NEBL: variants seen among roughly 807,000 people sequenced by gnomAD.
The protein encoded by NEBL is nebulette.
In NEBL, 122 loss-of-function variants were observed where a neutral mutation model predicts 140.2. The observed-to-expected ratio is 0.87, with a 90% CI of 0.75 to 1.01. NEBL has a LOEUF of 1.01. Ranked by LOEUF, NEBL falls within the 50% of genes least tolerant of loss-of-function variation. The probability of loss-of-function intolerance (pLI) is 0.00; values close to 1 mark genes in which losing one functional copy is unlikely to be tolerated. For missense variants in NEBL, 1,365 were observed against 1,231.3 expected, an observed-to-expected ratio of 1.11 and a Z score of -1.62; for synonymous variants, 436 against 398.9, an observed-to-expected ratio of 1.09 and a Z score of -1.11.
intron 2 of NEBL, among the ~76,000 whole-genome samples, chr10:21,250,377 T>C (rs1198269285): frequency 6.6e-6 from 1 of 152,200 alleles, no homozygotes; most frequent in Non-Finnish European, 1.5e-5. Context: ...AACATCAGAC[T>C]CCAAGGTCTT....
intron 3 of NEBL, among the ~76,000 whole-genome samples, chr10:21,204,464 T>G (rs1276867474): frequency 6.6e-6 from 1 of 151,944 alleles, no homozygotes; most frequent in Non-Finnish European, 1.5e-5. Context: ...TCTCTTTCCA[T>G]GCGCACATGA....
At chr10:20,952,884 GAC>G (rs1835553800) in intron 4 of NEBL, among the ~76,000 whole-genome samples, 2 of 112,164 alleles carry the variant, frequency 1.8e-5, no homozygotes, top group South Asian at 6.1e-4. Flanking sequence ...CAGCCTGGGT[GAC>G]AGAGTGAGAC....
At chr10:21,003,406 C>T (rs1837989991) in intron 3 of NEBL, among the ~76,000 whole-genome samples, 1 of 152,174 alleles carries the variant, frequency 6.6e-6, no homozygotes, top group African/African-American at 2.4e-5. Flanking sequence ...CCTCGCCTGC[C>T]CCACAATCTC....
intron 3 of NEBL, among the ~76,000 whole-genome samples, chr10:21,186,988 A>ATGTG (rs35359446): frequency 0.017 from 2,471 of 141,946 alleles, 35 homozygotes; most frequent in African/African-American, 0.036. Flanking sequence ...CCAACTCTGT[A>ATGTG]TGTGTGTGTG....
chr10:20,817,765 C>G (rs1838878451), intron 20 of NEBL, 73 bp from the exon 21 acceptor site: 2 of 1,180,008 alleles, frequency 1.7e-6, no homozygotes, highest in African/African-American at 3.0e-5. Flanking sequence ...GGACAAGGCT[C>G]AAAATTAGCA....
intron 4 of NEBL, among the ~76,000 whole-genome samples, chr10:20,951,303 T>C (rs902234741): frequency 6.6e-6 from 1 of 151,536 alleles, no homozygotes; most frequent in Non-Finnish European, 1.5e-5. Context: ...CAGCATTGCA[T>C]GTGATTCTGT....
intron 2 of NEBL, among the ~76,000 whole-genome samples, chr10:21,168,899 A>C (rs1209914029): frequency 6.6e-6 from 1 of 150,570 alleles, no homozygotes; most frequent in East Asian, 2.0e-4. Context: ...AATACAAAAA[A>C]TTAGCCGGGC....
rs560773848 is a variant in NEBL at position 20,879,506 on chromosome 10, C to T, written c.480+1288G>A. On this transcript the variant is annotated intron_variant, in intron 5 of 27. Transcript: ENST00000377122. ...ATATGTTTGTATATTTGGGTTAAAA[C>T]GTAAAACCTCATTCCACTTTTTTAC... Among the ~76,000 whole-genome samples the T allele has an allele frequency of 4.9e-4, 75 of 152,306 alleles. 1 individual carries two copies. The highest frequency in any genetic ancestry group is 1.7e-3 in the African/African-American group (71 of 41,572).
chr10:20,903,499 G>T (rs565354788), intron 4 of NEBL, among the ~76,000 whole-genome samples: 1 of 152,114 alleles, frequency 6.6e-6, no homozygotes, highest in Non-Finnish European at 1.5e-5. Flanking sequence ...ATAGGATTCA[G>T]CAATCCCACT....
At chr10:20,896,177 T>C (rs936024373) in intron 2 of NEBL, among the ~76,000 whole-genome samples, 5 of 152,142 alleles carry the variant, frequency 3.3e-5, no homozygotes, top group Non-Finnish European at 7.4e-5. Context: ...TTACAGGAGT[T>C]ACCCTTTCTC....
At chr10:20,927,218 G>A (rs1833954535) in intron 4 of NEBL, among the ~76,000 whole-genome samples, 1 of 152,180 alleles carries the variant, frequency 6.6e-6, no homozygotes, top group African/African-American at 2.4e-5. Flanking sequence ...GTTCAAGTTT[G>A]GGATGTGCTG....
At chr10:21,084,186 C>G (rs1359292615) in intron 2 of NEBL, among the ~76,000 whole-genome samples, 1 of 152,188 alleles carries the variant, frequency 6.6e-6, no homozygotes, top group Non-Finnish European at 1.5e-5. Context: ...TTGAGACTTT[C>G]TCAAATTTCT....
Position 21,090,463 on chromosome 10 carries a change from G to A in NEBL, c.165-70262C>T, listed in dbSNP as rs1169852881. 3.9e-5 allele frequency among the ~76,000 whole-genome samples: 6 copies of A among 152,246 alleles called. No homozygotes were observed. In the East Asian group the frequency reaches 1.2e-3, roughly 29 times the overall value. ...CTAGAGTGATTTAAAGTATACAGGA[G>A]GATGCGTGTAGGTTATATGAAAACA... On this transcript the variant is annotated intron_variant, in intron 2 of 6. Coordinates refer to the NEBL transcript ENST00000417816.
intron 13 of NEBL, among the ~76,000 whole-genome samples, chr10:20,836,799 C>T (rs958992726): frequency 6.6e-6 from 1 of 152,082 alleles, no homozygotes; most frequent in Admixed American, 6.5e-5. Context: ...CTCTGCTTTA[C>T]TCACCCTTCA....
At chr10:21,101,248 A>C (rs988516840) in intron 2 of NEBL, among the ~76,000 whole-genome samples, 1 of 152,202 alleles carries the variant, frequency 6.6e-6, no homozygotes, top group African/African-American at 2.4e-5. Context: ...AGCTTCTGTG[A>C]TACTCAAATC....
At chr10:20,792,014 T>C (rs1221202217) in intron 26 of NEBL, among the ~76,000 whole-genome samples, 2 of 151,898 alleles carry the variant, frequency 1.3e-5, no homozygotes, top group African/African-American at 4.8e-5. Flanking sequence ...AAAAAAATTA[T>C]TTGTGCAGTG....
At chr10:20,943,017 G>T (rs1440120668) in intron 4 of NEBL, among the ~76,000 whole-genome samples, 1 of 152,202 alleles carries the variant, frequency 6.6e-6, no homozygotes, top group African/African-American at 2.4e-5. Context: ...CAACCATTGT[G>T]GAAGTCAGTG....
chr10:20,910,828 G>GT (rs5783756), intron 4 of NEBL, among the ~76,000 whole-genome samples: 51,730 of 146,376 alleles, frequency 0.35, 9,748 homozygotes, highest in East Asian at 0.57. Flanking sequence ...TTTCGTTTTT[G>GT]TTTTTTTTTT....
chr10:21,227,061 A>C (rs987807749), intron 3 of NEBL, among the ~76,000 whole-genome samples: 2 of 152,170 alleles, frequency 1.3e-5, no homozygotes, highest in Non-Finnish European at 1.5e-5. Context: ...TTTTCTTATA[A>C]AATAGCTGAA....
Sources: allele counts gnomAD v4.1 joint callset (sites outside exome capture counted in the v4.1 genomes callset), GRCh38; gene constraint gnomAD v4.1.1; transcripts MANE v1.5; gene names NCBI Gene and HGNC (gene_info 2026-07-23, HGNC 2026-07-21).